Variants in PPFIBP1 observed in about 807,000 individuals in gnomAD.
PPFIBP1 encodes PPFIB scaffold protein 1.
PPFIBP1 carries 112 observed loss-of-function variants against 137.8 expected under a neutral mutation model. The observed-to-expected ratio is 0.81, with a 90% CI of 0.70 to 0.95. PPFIBP1 has a LOEUF of 0.95. Ranked by LOEUF, PPFIBP1 falls within the 40% of genes least tolerant of loss-of-function variation. The probability of loss-of-function intolerance (pLI) is 0.00; values close to 1 mark genes in which losing one functional copy is unlikely to be tolerated. For synonymous variants in PPFIBP1, 378 were observed against 417.3 expected, an observed-to-expected ratio of 0.91 and a Z score of 1.15; for missense variants, 1,083 against 1,196.6, an observed-to-expected ratio of 0.91 and a Z score of 1.40.
At chr12:27,550,362 A>G (rs190740135) in intron 1 of PPFIBP1, among the ~76,000 whole-genome samples, 3 of 152,310 alleles carry the variant, frequency 2.0e-5, no homozygotes, top group Admixed American at 1.3e-4. Context: ...ATGTCTGCAC[A>G]CTCACACATG....
chr12:27,609,999 T>C (rs1330444593), intron 2 of PPFIBP1, among the ~76,000 whole-genome samples: 1 of 152,108 alleles, frequency 6.6e-6, no homozygotes, highest in Non-Finnish European at 1.5e-5. Context: ...GCCTGTGCAA[T>C]TTAGAAAATG....
At position 27,693,049 on chromosome 12, in the gene PPFIBP1, T is replaced by C. The variant is rs936777751; in HGVS notation, c.*167T>C. 4.4e-6 allele frequency: 5 copies of C among 1,125,440 alleles called. No individual in the cohort carries two copies. The African/African-American group carries it at 7.9e-5, about 18-fold the overall frequency. 69.7% of individuals were successfully genotyped at this position (1,125,440 alleles called of 1,614,324 possible). ...CAGGAGTAATGTGCCGATTCTGAAGTTGCCACAAAAAATAAGACACTGGTG... is the reference window on the plus strand; with the variant it reads ...CAGGAGTAATGTGCCGATTCTGAAGCTGCCACAAAAAATAAGACACTGGTG... On this transcript the variant is annotated 3_prime_UTR_variant, in exon 30 of 30. Coordinates refer to ENST00000228425, the MANE Select transcript of PPFIBP1 (RefSeq NM_003622.4).
At chr12:27,691,156 A>G (rs2061515413) in intron 27 of PPFIBP1, among the ~76,000 whole-genome samples, 1 of 149,658 alleles carries the variant, frequency 6.7e-6, no homozygotes, top group Admixed American at 6.8e-5. Context: ...GGCATACAAG[A>G]TAATTATAGC....
At chr12:27,580,785 G>A (rs1182533528) in intron 2 of PPFIBP1, among the ~76,000 whole-genome samples, 1 of 152,208 alleles carries the variant, frequency 6.6e-6, no homozygotes, top group Non-Finnish European at 1.5e-5. Context: ...GGGTGAGTCA[G>A]TGAAGACACT....
intron 2 of PPFIBP1, among the ~76,000 whole-genome samples, chr12:27,622,422 C>T (rs919668575): frequency 2.6e-5 from 4 of 152,158 alleles, no homozygotes; most frequent in East Asian, 3.8e-4. Context: ...GGCCAAGTTG[C>T]GATGTAATTT....
At chr12:27,584,571 A>G (rs1297075130) in intron 2 of PPFIBP1, among the ~76,000 whole-genome samples, 1 of 152,212 alleles carries the variant, frequency 6.6e-6, no homozygotes, top group African/African-American at 2.4e-5. Context: ...ATAGAAGCAA[A>G]ATAATCCCAA....
intron 2 of PPFIBP1, among the ~76,000 whole-genome samples, chr12:27,612,929 TCA>T (rs1565871378): frequency 5.3e-4 from 1 of 1,874 alleles, no homozygotes; most frequent in Non-Finnish European, 0.026. Flanking sequence ...ATAATACACA[TCA>T]TCATCATCAT....
chr12:27,616,347 C>T (rs1312699154), intron 2 of PPFIBP1, among the ~76,000 whole-genome samples: 4 of 147,400 alleles, frequency 2.7e-5, no homozygotes, highest in Non-Finnish European at 4.5e-5. Context: ...AATCCCTCCT[C>T]TTCTACTTTG....
chr12:27,601,482 T>C (rs2137757813), intron 2 of PPFIBP1, among the ~76,000 whole-genome samples: 1 of 152,274 alleles, frequency 6.6e-6, no homozygotes, highest in South Asian at 2.1e-4. Context: ...GTACACAAGG[T>C]TAAACTGCAT....
chr12:27,594,075 A>G (rs2052882040), intron 2 of PPFIBP1: 1 of 1,276,762 alleles, frequency 7.8e-7, no homozygotes, highest in Non-Finnish European at 1.0e-6. Context: ...CAACTTGAGA[A>G]GCTTCAAAAA....
intron 24 of PPFIBP1, 128 bp downstream of exon 24, chr12:27,682,831 A>C: frequency 6.9e-7 from 1 of 1,457,512 alleles, no homozygotes; most frequent in Non-Finnish European, 9.3e-7. Context: ...CTTGAACTTG[A>C]GGAGAGTGGC....
At chr12:27,667,445 T>C in intron 13 of PPFIBP1, 125 bp downstream of exon 13, 2 of 839,310 alleles carry the variant, frequency 2.4e-6, no homozygotes, top group Non-Finnish European at 1.7e-6. Context: ...TCAAGTGAGG[T>C]TATATAAATA....
intron 1 of PPFIBP1, among the ~76,000 whole-genome samples, chr12:27,542,597 T>C (rs1212897303): frequency 6.6e-6 from 1 of 152,230 alleles, no homozygotes; most frequent in South Asian, 2.1e-4. Context: ...GTTCTTTTTT[T>C]GTTTGTTTAA....
intron 4 of PPFIBP1, among the ~76,000 whole-genome samples, chr12:27,637,895 G>A (rs1374315089): frequency 2.0e-5 from 3 of 152,074 alleles, no homozygotes; most frequent in Admixed American, 2.0e-4. Context: ...TTCAGAAGTT[G>A]GGATGTGTTT....
chr12:27,555,560 G>A (rs1033745063), intron 1 of PPFIBP1, among the ~76,000 whole-genome samples: 1 of 152,118 alleles, frequency 6.6e-6, no homozygotes, highest in East Asian at 1.9e-4. Flanking sequence ...GGCAGAAATT[G>A]TGCTTTTCTT....
chr12:27,659,358 G>A (rs1363602679), intron 10 of PPFIBP1, among the ~76,000 whole-genome samples: 1 of 152,146 alleles, frequency 6.6e-6, no homozygotes, highest in Non-Finnish European at 1.5e-5. Flanking sequence ...GCAACATTAA[G>A]GTAAATCCTG....
At chr12:27,528,437 G>C (rs758579050) in intron 1 of PPFIBP1, among the ~76,000 whole-genome samples, 2 of 152,130 alleles carry the variant, frequency 1.3e-5, no homozygotes, top group Non-Finnish European at 2.9e-5. Context: ...TGCAGTGCAC[G>C]TCAGAACCTT....
intron 19 of PPFIBP1, among the ~76,000 whole-genome samples, chr12:27,678,820 G>A (rs1168159888): frequency 1.5e-5 from 2 of 132,550 alleles, no homozygotes; most frequent in Admixed American, 1.9e-4. Flanking sequence ...TCATGTCACT[G>A]CACTCCAGCC....
chr12:27,576,611 C>T (rs2050584273), intron 1 of PPFIBP1, among the ~76,000 whole-genome samples: 1 of 152,158 alleles, frequency 6.6e-6, no homozygotes, highest in South Asian at 2.1e-4. Context: ...TGCCCTGGGG[C>T]TCAGGCTGGG....
Sources: gnomAD v4.1 joint callset for allele counts (sites outside exome capture counted in the v4.1 genomes callset) on GRCh38, gnomAD v4.1.1 for gene constraint, MANE v1.5 for transcripts, NCBI Gene and HGNC (gene_info 2026-07-23, HGNC 2026-07-21) for gene names.